C1QTNF3: variants seen among roughly 807,000 people sequenced by gnomAD.
C1QTNF3 encodes C1q and TNF related 3.
C1QTNF3 carries 26 observed loss-of-function variants against 32.6 expected under a neutral mutation model. The observed-to-expected ratio is 0.80, with a 90% CI of 0.58 to 1.11. C1QTNF3 has a LOEUF of 1.11. C1QTNF3 is among the 50% of genes least tolerant of loss of function. C1QTNF3 has a pLI of 0.00. For synonymous variants in C1QTNF3, 155 were observed against 146.0 expected (o/e 1.06, Z -0.44); for missense variants, 362 against 398.2 (o/e 0.91, Z 0.77).
At chr5:34,074,014 T>C in the C1QTNF3 span, among the ~76,000 whole-genome samples, 1 of 152,168 alleles carries the variant, frequency 6.6e-6, no homozygotes, top group African/African-American at 2.4e-5. Context: ...TGAGAAACAA[T>C]AGTGATTGTC....
the C1QTNF3 span, chr5:34,175,571 A>G: frequency 2.8e-6 from 1 of 359,626 alleles, no homozygotes; most frequent in Non-Finnish European, 5.2e-6. Flanking sequence ...CAAGCTAGCC[A>G]TTTCCATCTC....
the C1QTNF3 span, among the ~76,000 whole-genome samples, chr5:34,059,452 G>A: frequency 6.6e-6 from 1 of 151,924 alleles, no homozygotes; most frequent in Non-Finnish European, 1.5e-5. Context: ...TCACAGTTTT[G>A]GAGGCTGGAC....
the C1QTNF3 span, among the ~76,000 whole-genome samples, chr5:34,121,245 C>G: frequency 6.6e-6 from 1 of 152,156 alleles, no homozygotes; most frequent in Non-Finnish European, 1.5e-5. Context: ...AAAAGTTGGG[C>G]AACTGTTATA....
At chr5:34,244,708 A>C in the C1QTNF3 span, 9 of 152,024 alleles carry the variant, frequency 5.9e-5, no homozygotes, top group Admixed American at 2.0e-4. Flanking sequence ...TCAGGAGCCC[A>C]GCTGGCTTTG....
chr5:34,176,856 C>CATGAATGAATGA, the C1QTNF3 span, among the ~76,000 whole-genome samples: 23,038 of 148,088 alleles, frequency 0.16, 2,198 homozygotes, highest in Middle Eastern at 0.25. Flanking sequence ...GACCCTATCT[C>CATGAATGAATGA]ATGAATGAAT....
the C1QTNF3 span, among the ~76,000 whole-genome samples, chr5:34,176,162 C>G: frequency 4.0e-5 from 6 of 149,808 alleles, no homozygotes; most frequent in African/African-American, 1.5e-4. Flanking sequence ...AACAAAAAAC[C>G]AAACACCGCA....
the C1QTNF3 span, chr5:34,106,164 A>C: frequency 5.8e-4 from 88 of 152,130 alleles, no homozygotes; most frequent in African/African-American, 1.9e-3. Context: ...TTTAAAACTC[A>C]AATGGAATTG....
the C1QTNF3 span, among the ~76,000 whole-genome samples, chr5:34,235,133 C>T: frequency 3.0e-4 from 46 of 152,250 alleles, no homozygotes; most frequent in Admixed American, 6.5e-4. Context: ...GAGAAAACAA[C>T]TTCCCTGATT....
chr5:34,242,506 T>C, the C1QTNF3 span, among the ~76,000 whole-genome samples: 1 of 152,190 alleles, frequency 6.6e-6, no homozygotes, highest in African/African-American at 2.4e-5. Context: ...ACACATAAAT[T>C]AATTCAAGAT....
upstream of C1QTNF3, among the ~76,000 whole-genome samples, chr5:34,047,286 G>C (rs901112247): frequency 2.0e-5 from 3 of 152,274 alleles, no homozygotes; most frequent in Non-Finnish European, 2.9e-5. Context: ...ACTAATGTGA[G>C]CAGCAGAGGT....
At chr5:34,134,732 T>C in the C1QTNF3 span, among the ~76,000 whole-genome samples, 1 of 152,186 alleles carries the variant, frequency 6.6e-6, no homozygotes, top group Non-Finnish European at 1.5e-5. Flanking sequence ...TTGTCTGTTA[T>C]TGGTGTATAG....
the C1QTNF3 span, among the ~76,000 whole-genome samples, chr5:34,164,025 C>T: frequency 6.6e-5 from 10 of 152,206 alleles, no homozygotes; most frequent in African/African-American, 1.9e-4. Context: ...GCAGTGCTGA[C>T]GTGATCTTAA....
chr5:34,205,620 T>C, the C1QTNF3 span, among the ~76,000 whole-genome samples: 4 of 152,124 alleles, frequency 2.6e-5, no homozygotes, highest in African/African-American at 9.7e-5. Flanking sequence ...CCTTGCTTCC[T>C]GTACAGCCTG....
At chr5:34,225,267 A>C in the C1QTNF3 span, among the ~76,000 whole-genome samples, 1 of 152,158 alleles carries the variant, frequency 6.6e-6, no homozygotes, top group South Asian at 2.1e-4. Context: ...TGCTAGTAGA[A>C]TTAAATGAGT....
chr5:34,121,359 AAGG>A, the C1QTNF3 span, among the ~76,000 whole-genome samples: 1 of 152,114 alleles, frequency 6.6e-6, no homozygotes, highest in Non-Finnish European at 1.5e-5. Flanking sequence ...CTGGGAAGAA[AAGG>A]AGGTTTAATT....
the C1QTNF3 span, among the ~76,000 whole-genome samples, chr5:34,072,421 G>GAAAGAA: frequency 6.5e-4 from 65 of 100,464 alleles, no homozygotes; most frequent in Middle Eastern, 5.0e-3. Flanking sequence ...AAGAAAGAAA[G>GAAAGAA]AACAGAAATG....
At chr5:34,118,635 C>A in the C1QTNF3 span, among the ~76,000 whole-genome samples, 1 of 151,292 alleles carries the variant, frequency 6.6e-6, no homozygotes, top group East Asian at 1.9e-4. Flanking sequence ...GTATTTTTTT[C>A]TAGTTGGAAA....
chr5:34,224,959 A>G, the C1QTNF3 span, among the ~76,000 whole-genome samples: 14 of 152,198 alleles, frequency 9.2e-5, no homozygotes, highest in African/African-American at 3.4e-4. Context: ...TTTACAAGAA[A>G]AAAACAAACA....
chr5:34,210,857 G>A, the C1QTNF3 span, among the ~76,000 whole-genome samples: 232 of 152,002 alleles, frequency 1.5e-3, no homozygotes, highest in African/African-American at 5.5e-3. Context: ...TGGATTCATA[G>A]GTTACAGAAT....
Sources: gnomAD v4.1 joint callset for allele counts (sites outside exome capture counted in the v4.1 genomes callset) on GRCh38, gnomAD v4.1.1 for gene constraint, MANE v1.5 for transcripts, NCBI Gene and HGNC (gene_info 2026-07-23, HGNC 2026-07-21) for gene names.